Variants in FOXJ3 observed in about 807,000 individuals in gnomAD.
The protein encoded by FOXJ3 is forkhead box J3.
Under a neutral mutation model 76.1 loss-of-function variants are expected in FOXJ3, and 22 were observed. The ratio of observed to expected loss-of-function variants is 0.29; its 90% CI spans 0.21 to 0.41. FOXJ3 has a LOEUF of 0.41. Ranked by LOEUF, FOXJ3 falls within the 10% of genes least tolerant of loss-of-function variation. The pLI is 1.00. For synonymous variants in FOXJ3, 269 were observed against 261.2 expected (o/e 1.03, Z -0.29); for missense variants, 613 against 762.1 (o/e 0.80, Z 2.30).
At chr1:42,185,954 G>T (rs1284070405) in intron 11 of FOXJ3, among the ~76,000 whole-genome samples, 3 of 150,172 alleles carry the variant, frequency 2.0e-5, no homozygotes, top group African/African-American at 7.4e-5. Flanking sequence ...CTATATTCTG[G>T]GACTCAAGAC....
At chr1:42,276,048 A>T (rs1056760235) in intron 3 of FOXJ3, among the ~76,000 whole-genome samples, 1 of 152,212 alleles carries the variant, frequency 6.6e-6, no homozygotes, top group Admixed American at 6.5e-5. Context: ...AAAAGGGACA[A>T]TCACCATTTA....
intron 1 of FOXJ3, among the ~76,000 whole-genome samples, chr1:42,321,898 T>TA (rs1655452841): frequency 6.6e-6 from 1 of 152,258 alleles, no homozygotes; most frequent in African/African-American, 2.4e-5. Flanking sequence ...TGGGAGACTT[T>TA]ATCATCAAGG....
At chr1:42,248,447 T>A (rs2124553743) in intron 4 of FOXJ3, among the ~76,000 whole-genome samples, 1 of 150,206 alleles carries the variant, frequency 6.7e-6, no homozygotes, top group Admixed American at 6.7e-5. Flanking sequence ...GGCAGGAGAA[T>A]GGCGTGAACC....
chr1:42,308,349 G>A (rs1379545533), intron 2 of FOXJ3, among the ~76,000 whole-genome samples: 1 of 152,148 alleles, frequency 6.6e-6, no homozygotes, highest in Non-Finnish European at 1.5e-5. Flanking sequence ...TTTCTGGTTT[G>A]GGGAAGACTC....
chr1:42,202,411 T>TA (rs10711887), intron 6 of FOXJ3, among the ~76,000 whole-genome samples: 10,665 of 148,630 alleles, frequency 0.072, 449 homozygotes, highest in African/African-American at 0.11. Context: ...TTGTTTACTG[T>TA]AAAAAAAAAA....
At chr1:42,315,305 T>C (rs1331640119) in intron 1 of FOXJ3, 1 of 447,770 alleles carries the variant, frequency 2.2e-6, no homozygotes, top group East Asian at 1.6e-4. Context: ...TACTGAATTG[T>C]ACACTTTAAA....
At chr1:42,190,365 T>G (rs1017540508) in intron 9 of FOXJ3, among the ~76,000 whole-genome samples, 1 of 152,208 alleles carries the variant, frequency 6.6e-6, no homozygotes, top group African/African-American at 2.4e-5. Flanking sequence ...ATTACAAAAT[T>G]CTGCCAATAA....
At chr1:42,299,610 G>A (rs960800072) in intron 2 of FOXJ3, among the ~76,000 whole-genome samples, 2 of 151,272 alleles carry the variant, frequency 1.3e-5, no homozygotes, top group Non-Finnish European at 2.9e-5. Flanking sequence ...TACATTCAAG[G>A]TTAATATTGA....
intron 2 of FOXJ3, among the ~76,000 whole-genome samples, chr1:42,310,417 T>C (rs1487566685): frequency 6.6e-6 from 1 of 151,842 alleles, no homozygotes; most frequent in Non-Finnish European, 1.5e-5. Context: ...GTGCTAGGAT[T>C]ACAGGCATGA....
chr1:42,245,483 G>T (rs550208428), intron 4 of FOXJ3, among the ~76,000 whole-genome samples: 153 of 152,178 alleles, frequency 1.0e-3, no homozygotes, highest in African/African-American at 3.3e-3. Flanking sequence ...TGCCCAAGTG[G>T]AATTTACCCC....
At chr1:42,203,647 C>T (rs1215749643) in intron 6 of FOXJ3, among the ~76,000 whole-genome samples, 2 of 152,108 alleles carry the variant, frequency 1.3e-5, no homozygotes, top group South Asian at 4.1e-4. Context: ...TGTGTCTGAG[C>T]CCTAGCACAC....
intron 5 of FOXJ3, among the ~76,000 whole-genome samples, chr1:42,214,839 C>T (rs1647034014): frequency 6.6e-6 from 1 of 152,180 alleles, no homozygotes; most frequent in Non-Finnish European, 1.5e-5. Context: ...AGACATAATA[C>T]ATAATCCTGT....
At chr1:42,188,372 GT>G (rs1276767414) in intron 11 of FOXJ3, among the ~76,000 whole-genome samples, 1 of 152,124 alleles carries the variant, frequency 6.6e-6, no homozygotes, top group Non-Finnish European at 1.5e-5. Context: ...CACAAGACAC[GT>G]TGATTTCCAT....
chr1:42,189,329 G>T lies in FOXJ3; in HGVS notation c.1427C>A (p.Ser476Ter). The T allele has an allele frequency of 1.2e-6, 2 of 1,612,990 alleles. No homozygotes were observed. The highest frequency in any genetic ancestry group is 2.2e-5 in the South Asian group (2 of 90,984). ...SCRIASSVNW[S>*]DVDLSQFQGL... ...TTGAAACTGTGAAAGGTCTACATCT[G>T]ACCAATTAACACTGCTGGCAATTCG... The change falls in exon 10 of 13, where the codon TCA becomes TAA. Residue 476 changes from serine (S) to a stop codon, truncating the protein, a stop_gained. Coordinates refer to ENST00000361346, the MANE Select transcript of FOXJ3 (RefSeq NM_014947.5). LOFTEE classifies it high-confidence loss of function.
intron 2 of FOXJ3, among the ~76,000 whole-genome samples, chr1:42,285,412 T>TAA (rs1243806369): frequency 6.9e-6 from 1 of 145,110 alleles, no homozygotes; most frequent in African/African-American, 2.5e-5. Context: ...GTCTTCACAT[T>TAA]AAAAAAAAAA....
chr1:42,265,088 C>T, intron 4 of FOXJ3, 27 bp downstream of exon 4: 4 of 1,367,408 alleles, frequency 2.9e-6, no homozygotes, highest in Non-Finnish European at 4.2e-6. Context: ...CTGAAGAATT[C>T]AACTGTTTTA....
intron 2 of FOXJ3, among the ~76,000 whole-genome samples, chr1:42,303,558 G>A (rs915869311): frequency 6.6e-6 from 1 of 152,160 alleles, no homozygotes; most frequent in African/African-American, 2.4e-5. Flanking sequence ...ACAGACGAAC[G>A]GGAAATTCAT....
At chr1:42,261,336 AAAAC>A (rs933189991) in intron 4 of FOXJ3, among the ~76,000 whole-genome samples, 2 of 152,216 alleles carry the variant, frequency 1.3e-5, no homozygotes. Context: ...AGAGAAAAGA[AAAAC>A]AAATCTGTCC....
At position 42,206,418 on chromosome 1, in the gene FOXJ3, T is replaced by C. The variant is rs1026183772; in HGVS notation, c.529-555A>G. Among the ~76,000 whole-genome samples the C allele has an allele frequency of 2.6e-5, 4 of 152,114 alleles. No homozygotes were observed. The South Asian group carries it at 8.3e-4, about 32-fold the overall frequency. On this transcript the variant is annotated intron_variant, in intron 5 of 12. Transcript: ENST00000361346. ...GGTGGTGATCTTGCTTAACCATAAA[T>C]AGCTGAGGGTAATACCCTGGGAAAA...
Sources: gnomAD v4.1 joint callset for allele counts (sites outside exome capture counted in the v4.1 genomes callset) on GRCh38, gnomAD v4.1.1 for gene constraint, MANE v1.5 for transcripts, NCBI Gene and HGNC (gene_info 2026-07-23, HGNC 2026-07-21) for gene names.